Variants in YAP1 observed in about 807,000 individuals in gnomAD.
YAP1 encodes transcriptional coactivator YAP1.
YAP1 carries 5 observed loss-of-function variants against 56.9 expected under a neutral mutation model. The observed-to-expected ratio is 0.09, with a 90% confidence interval of 0.05 to 0.18. The LOEUF is 0.18. Among genes scored for constraint, YAP1 ranks in the 10% least tolerant of loss-of-function variants. The pLI is 1.00. For missense variants in YAP1, 539 were observed against 651.8 expected, an observed-to-expected ratio of 0.83 and a Z score of 1.88; for synonymous variants, 265 against 248.1, an observed-to-expected ratio of 1.07 and a Z score of -0.64.
chr11:102,110,946 C>G lies in YAP1; in HGVS notation c.98C>G (p.Pro33Arg). ...CAGGGGCAGGGCCCGCCGTCCGGAC[C>G]CGGGCAACCGGCACCCGCGGCGACC... ...PPQGQGPPSGPGQPAPAATQA... is the reference protein window; with the variant it reads ...PPQGQGPPSGRGQPAPAATQA... Residue 33 changes from proline (P) to arginine (R), a missense_variant, in exon 1 of 9, where the codon CCC (proline) becomes CGC (arginine). Transcript: ENST00000282441. 6.7e-7 allele frequency: 1 copy of G among 1,500,112 alleles called. No homozygotes were observed. The highest frequency in any genetic ancestry group is 8.9e-7 in the Non-Finnish European group (1 of 1,126,526). 92.9% of individuals were successfully genotyped at this position (1,500,112 alleles called of 1,614,324 possible).
At chr11:102,132,835 A>G (rs910281112) in intron 2 of YAP1, among the ~76,000 whole-genome samples, 8 of 152,240 alleles carry the variant, frequency 5.3e-5, no homozygotes, top group Admixed American at 5.2e-4. Flanking sequence ...AATGTGTAAA[A>G]CATTACAATT....
intron 3 of YAP1, among the ~76,000 whole-genome samples, chr11:102,168,293 G>A (rs1946718490): frequency 6.6e-6 from 1 of 152,106 alleles, no homozygotes; most frequent in Non-Finnish European, 1.5e-5. Context: ...ATCTTCAAGG[G>A]ACAGTAAAGT....
chr11:102,113,334 A>G (rs1943082451), intron 1 of YAP1, among the ~76,000 whole-genome samples: 2 of 152,222 alleles, frequency 1.3e-5, no homozygotes, highest in African/African-American at 4.8e-5. Flanking sequence ...CATGAAAACT[A>G]TTTTATAAAG....
intron 3 of YAP1, among the ~76,000 whole-genome samples, chr11:102,165,618 T>G (rs1342233788): frequency 6.6e-6 from 1 of 152,080 alleles, no homozygotes; most frequent in Admixed American, 6.6e-5. Context: ...CTGAAGAGGC[T>G]TGAGCATGTT....
chr11:102,193,500 G>T (rs1280029607), intron 4 of YAP1, among the ~76,000 whole-genome samples: 1 of 152,016 alleles, frequency 6.6e-6, no homozygotes, highest in East Asian at 1.9e-4. Flanking sequence ...ATCCAGTAAG[G>T]TAGTTCCAAA....
intron 6 of YAP1, among the ~76,000 whole-genome samples, chr11:102,219,266 G>T (rs1462814236): frequency 6.6e-6 from 1 of 152,022 alleles, no homozygotes; most frequent in Non-Finnish European, 1.5e-5. Context: ...ATTCTTCAAG[G>T]AATTTTAAGT....
At chr11:102,222,854 T>G (rs1949999963) in intron 6 of YAP1, among the ~76,000 whole-genome samples, 1 of 151,214 alleles carries the variant, frequency 6.6e-6, no homozygotes, top group Non-Finnish European at 1.5e-5. Context: ...CAGATGCTAT[T>G]CTTCCTACTT....
At chr11:102,215,456 T>TC (rs1949612945) in intron 6 of YAP1, among the ~76,000 whole-genome samples, 1 of 152,172 alleles carries the variant, frequency 6.6e-6, no homozygotes, top group Non-Finnish European at 1.5e-5. Context: ...GGTAGTTAGC[T>TC]CCCCAAATCA....
intron 2 of YAP1, among the ~76,000 whole-genome samples, chr11:102,136,719 A>G (rs1378249854): frequency 6.6e-6 from 1 of 152,206 alleles, no homozygotes; most frequent in East Asian, 1.9e-4. Context: ...CTATGTATAT[A>G]TGAGTGTAGG....
At chr11:102,115,837 G>C (rs1943249255) in intron 2 of YAP1, among the ~76,000 whole-genome samples, 1 of 152,200 alleles carries the variant, frequency 6.6e-6, no homozygotes, top group Non-Finnish European at 1.5e-5. Flanking sequence ...AGGTTGTTAG[G>C]AAGAAAAAGA....
Position 102,114,374 on chromosome 11 carries a change from T to C in YAP1, c.552T>C (p.Ser184=). ...GTTGGGAGATGGCAAAGACATCTTC[T>C]GGTCAGAGATACTTCTTAAAGTAAG... The part of the protein sequence containing the change: ...PAGWEMAKTS[S]GQRYFLNHID... The change falls in exon 2 of 9, where the codon TCT becomes TCC. Residue 184 remains serine (S), a synonymous_variant. Transcript: ENST00000282441. 1.2e-6 allele frequency: 2 copies of C among 1,613,546 alleles called. No homozygotes were observed. The highest frequency in any genetic ancestry group is 1.1e-5 in the South Asian group (1 of 91,072).
At chr11:102,221,275 G>T (rs1949914392) in intron 6 of YAP1, among the ~76,000 whole-genome samples, 1 of 152,072 alleles carries the variant, frequency 6.6e-6, no homozygotes, top group Non-Finnish European at 1.5e-5. Context: ...AAACAATTTT[G>T]GCATTTGGCC....
intron 2 of YAP1, among the ~76,000 whole-genome samples, chr11:102,131,892 G>A (rs748173166): frequency 5.9e-5 from 9 of 152,116 alleles, no homozygotes; most frequent in Non-Finnish European, 1.2e-4. Flanking sequence ...GATTAAATGA[G>A]TAAGAAATTC....
chr11:102,125,926 CT>C (rs1944011873), intron 2 of YAP1, among the ~76,000 whole-genome samples: 1 of 151,994 alleles, frequency 6.6e-6, no homozygotes, highest in African/African-American at 2.4e-5. Context: ...GTAATTTCCT[CT>C]TTTAGCAGCC....
intron 4 of YAP1, 188 bp downstream of exon 4, chr11:102,186,319 A>G (rs1947942278): frequency 1.6e-6 from 1 of 635,924 alleles, no homozygotes; most frequent in Non-Finnish European, 2.5e-6. Flanking sequence ...TTAGATCTGA[A>G]TCAGATTTTT....
chr11:102,111,224 G>A, intron 1 of YAP1, 55 bp downstream of exon 1: 1 of 1,598,652 alleles, frequency 6.3e-7, no homozygotes. Context: ...CAGACCGGGG[G>A]GGCGCTCGGG....
chr11:102,140,305 GA>G (rs1944939794), intron 2 of YAP1, among the ~76,000 whole-genome samples: 1 of 152,034 alleles, frequency 6.6e-6, no homozygotes, highest in Non-Finnish European at 1.5e-5. Context: ...TTCATTTCAA[GA>G]AAGCAACAAT....
At chr11:102,123,405 C>G (rs1315339460) in intron 2 of YAP1, among the ~76,000 whole-genome samples, 2 of 152,088 alleles carry the variant, frequency 1.3e-5, no homozygotes, top group Admixed American at 6.5e-5. Flanking sequence ...TTCTGAATCA[C>G]TCTTATGGGT....
intron 2 of YAP1, among the ~76,000 whole-genome samples, chr11:102,145,177 A>G (rs1177258006): frequency 2.0e-5 from 3 of 152,212 alleles, no homozygotes; most frequent in South Asian, 2.1e-4. Flanking sequence ...TCCAGAGGCC[A>G]GGACTGTTGC....
Sources: gnomAD v4.1 joint callset for allele counts (sites outside exome capture counted in the v4.1 genomes callset) on GRCh38, gnomAD v4.1.1 for gene constraint, MANE v1.5 for transcripts, NCBI Gene and HGNC (gene_info 2026-07-23, HGNC 2026-07-21) for gene names.